The following CHODL variants were observed in gnomAD, a reference collection of about 807,000 sequenced individuals.
CHODL encodes the protein transmembrane protein MT75.
CHODL carries 29 observed loss-of-function variants against 34.5 expected under a neutral mutation model. The observed-to-expected ratio is 0.84, with a 90% CI of 0.63 to 1.15. The LOEUF is 1.15. Among genes scored for constraint, CHODL ranks in the 50% most tolerant of loss-of-function variants. The probability of loss-of-function intolerance (pLI) is 0.00; values close to 1 mark genes in which losing one functional copy is unlikely to be tolerated. For synonymous variants in CHODL, 125 were observed against 116.1 expected (o/e 1.08, Z -0.49); for missense variants, 332 against 332.5 (o/e 1.00, Z 0.01).
At chr21:18,140,384 A>G (rs1055324021) in intron 2 of CHODL, among the ~76,000 whole-genome samples, 2 of 152,196 alleles carry the variant, frequency 1.3e-5, no homozygotes, top group African/African-American at 2.4e-5. Flanking sequence ...GTAATTTTAT[A>G]TAAGACAAAC....
chr21:18,077,959 G>C (rs158033), intron 2 of CHODL, among the ~76,000 whole-genome samples: 60,838 of 152,090 alleles, frequency 0.4, 13,484 homozygotes, highest in Non-Finnish European at 0.51. Context: ...TGAAGAAGAA[G>C]GGGAGATTTA....
At chr21:17,922,542 G>T (rs1036228859) in intron 1 of CHODL, among the ~76,000 whole-genome samples, 9 of 152,166 alleles carry the variant, frequency 5.9e-5, no homozygotes, top group Non-Finnish European at 7.4e-5. Flanking sequence ...TGATAAGGTT[G>T]TTAGCACACT....
intron 1 of CHODL, among the ~76,000 whole-genome samples, chr21:17,932,828 G>C (rs2063285776): frequency 6.6e-6 from 1 of 152,070 alleles, no homozygotes; most frequent in South Asian, 2.1e-4. Context: ...GAAATAAGGG[G>C]GCCCAGGGGA....
chr21:17,977,850 T>C (rs202416), intron 1 of CHODL, among the ~76,000 whole-genome samples: 129,866 of 139,008 alleles, frequency 0.93, 60,779 homozygotes, highest in African/African-American at 0.98. Context: ...ACCTGGGAGG[T>C]GGAGGTTGCA....
Position 18,267,109 on chromosome 21 carries a change from G to A in CHODL, c.*1071G>A, listed in dbSNP as rs1329208334. 1 of 152,228 alleles carries A rather than the reference G, an allele frequency of 6.6e-6. No homozygotes were observed. The highest frequency in any genetic ancestry group is 1.5e-5 in the Non-Finnish European group (1 of 68,058). 9.4% of individuals were successfully genotyped at this position (152,228 alleles called of 1,614,324 possible). A position where few individuals can be genotyped will look rare whatever the true frequency, so the allele number is the denominator to read the frequency against. On this transcript the variant is annotated 3_prime_UTR_variant, in exon 6 of 6. Coordinates refer to ENST00000299295, the MANE Select transcript of CHODL (RefSeq NM_024944.3). ...GACCAGGTGAATAGTCACTATCAGTGTGGAGACAAGCACAGCACACAGACA... is the reference window on the plus strand; with the variant it reads ...GACCAGGTGAATAGTCACTATCAGTATGGAGACAAGCACAGCACACAGACA...
At chr21:18,211,150 A>ACACACACC in intron 2 of CHODL, among the ~76,000 whole-genome samples, 1 of 151,056 alleles carries the variant, frequency 6.6e-6, no homozygotes, top group Admixed American at 6.6e-5. Flanking sequence ...ATACACACAC[A>ACACACACC]CACACACACA....
chr21:18,210,975 G>A (rs1445041404), intron 2 of CHODL, among the ~76,000 whole-genome samples: 1 of 152,050 alleles, frequency 6.6e-6, no homozygotes, highest in Non-Finnish European at 1.5e-5. Context: ...TATCATCCCT[G>A]ATTGAATTTT....
chr21:18,120,313 GA>G (rs1343861084), intron 2 of CHODL, among the ~76,000 whole-genome samples: 1 of 152,100 alleles, frequency 6.6e-6, no homozygotes, highest in Non-Finnish European at 1.5e-5. Flanking sequence ...ACATACCTGG[GA>G]CCAAGCAGAC....
chr21:18,165,628 AGGAG>A (rs1415551115), intron 2 of CHODL, among the ~76,000 whole-genome samples: 6 of 152,178 alleles, frequency 3.9e-5, no homozygotes. Flanking sequence ...TCCCTCAAAA[AGGAG>A]GGAGCCACGT....
chr21:18,181,211 A>C (rs1358887831), intron 2 of CHODL, among the ~76,000 whole-genome samples: 1 of 152,222 alleles, frequency 6.6e-6, no homozygotes, highest in Non-Finnish European at 1.5e-5. Context: ...ACTGTTATGT[A>C]TATGTTCATA....
chr21:18,024,560 G>A (rs1260482025), intron 1 of CHODL: 1 of 152,206 alleles, frequency 6.6e-6, no homozygotes, highest in African/African-American at 2.4e-5. Flanking sequence ...TGACTGAAAA[G>A]AGGAAGTTCT....
chr21:17,936,539 A>G (rs1428625865), intron 1 of CHODL, among the ~76,000 whole-genome samples: 2 of 151,846 alleles, frequency 1.3e-5, no homozygotes, highest in South Asian at 2.1e-4. Flanking sequence ...CATAGTACTT[A>G]GAATGTGAAA....
intron 2 of CHODL, among the ~76,000 whole-genome samples, chr21:18,088,364 A>G (rs747999953): frequency 6.6e-6 from 1 of 152,124 alleles, no homozygotes; most frequent in South Asian, 2.1e-4. Context: ...GGTCACAGCC[A>G]TGTCTGTAGA....
At chr21:18,080,334 AT>A (rs1314641150) in intron 2 of CHODL, among the ~76,000 whole-genome samples, 1 of 152,032 alleles carries the variant, frequency 6.6e-6, no homozygotes, top group Admixed American at 6.6e-5. Flanking sequence ...TTTAGGTTTA[AT>A]TAAGTCTCAT....
At chr21:18,012,879 T>C (rs1467258902) in intron 1 of CHODL, among the ~76,000 whole-genome samples, 1 of 152,164 alleles carries the variant, frequency 6.6e-6, no homozygotes, top group Non-Finnish European at 1.5e-5. Context: ...TAATTACATA[T>C]AAAATATGGC....
In CHODL at chr21:18,004,233, T is replaced by A. The variant is rs201542717; in HGVS notation, c.-144-23639T>A. 3.0e-4 allele frequency among the ~76,000 whole-genome samples: 46 copies of A among 152,364 alleles called. No homozygotes were observed. In the East Asian group the frequency reaches 8.5e-3, roughly 28 times the overall value. On this transcript the variant is annotated intron_variant, in intron 1 of 6. Coordinates refer to the CHODL transcript ENST00000400127. ...AATTATATATGTTCTTAATTACTTA[T>A]TGTATTTATTGGATAATGTAATAGA...
intron 2 of CHODL, among the ~76,000 whole-genome samples, chr21:18,152,089 G>T (rs934455692): frequency 1.3e-5 from 2 of 151,824 alleles, no homozygotes; most frequent in Non-Finnish European, 2.9e-5. Context: ...TTTCAGTCGA[G>T]TTTAGTAAAA....
chr21:17,929,297 A>T (rs1277794088), intron 1 of CHODL, among the ~76,000 whole-genome samples: 1 of 152,224 alleles, frequency 6.6e-6, no homozygotes, highest in East Asian at 1.9e-4. Context: ...ATTTCACTTA[A>T]ACTTGCAAAT....
intron 1 of CHODL, among the ~76,000 whole-genome samples, chr21:18,003,060 T>C (rs573091104): frequency 1.8e-4 from 26 of 146,428 alleles, no homozygotes; most frequent in African/African-American, 2.0e-4. Context: ...GGGGGCGGAG[T>C]GTGCAGTGAG....
Sources: gnomAD v4.1 joint callset for allele counts (sites outside exome capture counted in the v4.1 genomes callset) on GRCh38, gnomAD v4.1.1 for gene constraint, MANE v1.5 for transcripts, NCBI Gene and HGNC (gene_info 2026-07-23, HGNC 2026-07-21) for gene names.